Variants in MED12L observed in about 807,000 individuals in gnomAD.
MED12L encodes the protein mediator complex subunit 12L.
MED12L carries 60 observed loss-of-function variants against 281.3 expected under a neutral mutation model. That is an observed-to-expected ratio of 0.21 (90% CI 0.17 to 0.26). The LOEUF (loss-of-function observed/expected upper bound fraction) is 0.26. Among genes scored for constraint, MED12L ranks in the 10% least tolerant of loss-of-function variants. MED12L has a pLI of 1.00. For missense variants in MED12L, 2,146 were observed against 2,680.9 expected (o/e 0.80, Z 4.41); for synonymous variants, 974 against 987.2 (o/e 0.99, Z 0.25).
chr3:151,166,486 T>C (rs1720735390), intron 11 of MED12L, among the ~76,000 whole-genome samples: 1 of 152,086 alleles, frequency 6.6e-6, no homozygotes. Flanking sequence ...TATGTTTATA[T>C]CTACCTAGAG....
chr3:151,178,181 A>AAAAAAAAAAAAAAAAAAAAAAG (rs1560124057), intron 11 of MED12L, among the ~76,000 whole-genome samples: 1 of 149,332 alleles, frequency 6.7e-6, no homozygotes, highest in East Asian at 2.0e-4. Context: ...AAAAAAAAAA[A>AAAAAAAAAAAAAAAAAAAAAAG]AAAGAAAGTG....
intron 16 of MED12L, among the ~76,000 whole-genome samples, chr3:151,231,733 G>T (rs557199383): frequency 6.6e-6 from 1 of 152,306 alleles, no homozygotes; most frequent in African/African-American, 2.4e-5. Flanking sequence ...TGAGACAGTT[G>T]TATAACTCTG....
At chr3:151,250,011 C>T (rs1736527994) in intron 16 of MED12L, among the ~76,000 whole-genome samples, 1 of 152,090 alleles carries the variant, frequency 6.6e-6, no homozygotes, top group Admixed American at 6.6e-5. Context: ...TAAAATAAAG[C>T]GAAAACCCTC....
intron 16 of MED12L, among the ~76,000 whole-genome samples, chr3:151,253,974 C>T (rs58139829): frequency 0.27 from 39,968 of 147,638 alleles, 5,672 homozygotes; most frequent in Non-Finnish European, 0.31. Flanking sequence ...TTTGATATAC[C>T]TTCTTTTTGT....
At chr3:151,362,679 A>G (rs1225960484) in intron 21 of MED12L, among the ~76,000 whole-genome samples, 1 of 152,026 alleles carries the variant, frequency 6.6e-6, no homozygotes, top group Non-Finnish European at 1.5e-5. Context: ...GCTACATCCC[A>G]GTGTCTTGAA....
intron 1 of MED12L, chr3:151,086,524 T>C (rs142384944): frequency 0.018 from 2,728 of 152,556 alleles, 88 homozygotes; most frequent in African/African-American, 0.064. Flanking sequence ...ACCCCCATCC[T>C]GCGCCCAGCT....
At chr3:151,425,778 T>C in intron 43 of MED12L, 1 of 456,444 alleles carries the variant, frequency 2.2e-6, no homozygotes, top group Non-Finnish European at 4.4e-6. Flanking sequence ...AACCATATGT[T>C]TGCTAATAGA....
intron 16 of MED12L, among the ~76,000 whole-genome samples, chr3:151,287,686 G>A (rs1366627032): frequency 6.6e-6 from 1 of 152,092 alleles, no homozygotes; most frequent in Non-Finnish European, 1.5e-5. Flanking sequence ...TACTATATAA[G>A]GTTCTTGTGG....
chr3:151,184,291 C>T (rs1723018111), intron 11 of MED12L, among the ~76,000 whole-genome samples: 1 of 152,210 alleles, frequency 6.6e-6, no homozygotes, highest in Non-Finnish European at 1.5e-5. Flanking sequence ...GCTTTTCAGA[C>T]TGCACAGACA....
chr3:151,301,272 G>A (rs879436072), intron 16 of MED12L, among the ~76,000 whole-genome samples: 2 of 152,094 alleles, frequency 1.3e-5, no homozygotes, highest in Non-Finnish European at 2.9e-5. Context: ...TTATAATAAT[G>A]ATCTTTGGAT....
At position 151,183,502 on chromosome 3, in the gene MED12L, C is replaced by T. The variant is rs146000380; in HGVS notation, c.1495-1828C>T. ...CTTGGTTTGCTGATCTTCAGAGTGTCGTGTGTGATGAGTTTGTGTTTGTTT... is the reference window on the plus strand; with the variant it reads ...CTTGGTTTGCTGATCTTCAGAGTGTTGTGTGTGATGAGTTTGTGTTTGTTT... On this transcript the variant is annotated intron_variant, in intron 11 of 44. Coordinates refer to ENST00000687756, the MANE Select transcript of MED12L (RefSeq NM_001393769.1). Among the ~76,000 whole-genome samples, 270 of 152,230 alleles carry T rather than the reference C, an allele frequency of 1.8e-3. 1 individual carries two copies. Among genetic ancestry groups the T allele is most frequent in the Middle Eastern group, 6.8e-3 (2 of 294 alleles).
At chr3:151,281,415 A>C (rs1174203067) in intron 16 of MED12L, among the ~76,000 whole-genome samples, 1 of 151,930 alleles carries the variant, frequency 6.6e-6, no homozygotes, top group Non-Finnish European at 1.5e-5. Context: ...GTCTCAAAAT[A>C]AATAAATAAA....
Position 151,086,876 on chromosome 3 carries a change from G to A in MED12L, c.-51G>A. The A allele has an allele frequency of 6.9e-7, 1 of 1,449,500 alleles. No individual in the cohort carries two copies. The highest frequency in any genetic ancestry group is 9.4e-7 in the Non-Finnish European group (1 of 1,065,180). The allele number at this position is 1,449,500 out of a possible 1,614,324, so 89.8% of individuals were successfully genotyped here. On this transcript the variant is annotated 5_prime_UTR_variant, in exon 2 of 45. Coordinates refer to ENST00000687756, the MANE Select transcript of MED12L (RefSeq NM_001393769.1). ...GTGCTGCTCCCTGGTGCTCAGAGGCGGCTGCTCCAGCTCCAACTCTCATTC... is the reference window on the plus strand; with the variant it reads ...GTGCTGCTCCCTGGTGCTCAGAGGCAGCTGCTCCAGCTCCAACTCTCATTC...
rs1576714015 is a variant in MED12L, at chr3:151,095,730, T to A, written c.99+8705T>A. ...CTTGCCTGCTTCTCACTAAAAACTT[T>A]TTTTTCTTTTTTTTTAAAGCCAGAT... On this transcript the variant is annotated intron_variant, in intron 2 of 44. Coordinates refer to ENST00000687756, the MANE Select transcript of MED12L (RefSeq NM_001393769.1). 2.0e-5 allele frequency among the ~76,000 whole-genome samples: 3 copies of A among 152,162 alleles called. No individual in the cohort carries two copies. The East Asian group carries it at 5.8e-4, about 29-fold the overall frequency.
At chr3:151,290,677 A>G (rs988871621) in intron 16 of MED12L, among the ~76,000 whole-genome samples, 14 of 151,296 alleles carry the variant, frequency 9.3e-5, no homozygotes, top group Admixed American at 4.6e-4. Context: ...TCTTGACAGC[A>G]TTAATTATTC....
intron 16 of MED12L, among the ~76,000 whole-genome samples, chr3:151,227,683 G>A (rs948270463): frequency 6.6e-6 from 1 of 152,196 alleles, no homozygotes; most frequent in African/African-American, 2.4e-5. Flanking sequence ...TTCCCGAATG[G>A]CAAACTGGGG....
At chr3:151,192,764 A>C in intron 15 of MED12L, 110 bp downstream of exon 15, 1 of 730,370 alleles carries the variant, frequency 1.4e-6, no homozygotes, top group East Asian at 2.7e-5. Flanking sequence ...TGTGATATGT[A>C]ATCTTGCCAT....
chr3:151,292,288 C>CTTTTTT (rs35742538), intron 16 of MED12L, among the ~76,000 whole-genome samples: 5 of 139,894 alleles, frequency 3.6e-5, no homozygotes, highest in African/African-American at 1.4e-4. Flanking sequence ...AATATTGCTC[C>CTTTTTT]TTTTTTTTTT....
chr3:151,273,154 C>T (rs1741256938), intron 16 of MED12L, among the ~76,000 whole-genome samples: 1 of 151,506 alleles, frequency 6.6e-6, no homozygotes, highest in African/African-American at 2.4e-5. Context: ...TTCTTATAGT[C>T]ATCAGAGCAC....
Sources: allele counts gnomAD v4.1 joint callset (sites outside exome capture counted in the v4.1 genomes callset), GRCh38; gene constraint gnomAD v4.1.1; transcripts MANE v1.5; gene names NCBI Gene and HGNC (gene_info 2026-07-23, HGNC 2026-07-21).